The following LIMA1 variants were observed in gnomAD, a reference collection of about 807,000 sequenced individuals.
LIMA1 encodes LIM domain and actin binding 1.
LIMA1 carries 52 observed loss-of-function variants against 62.6 expected under a neutral mutation model. The ratio of observed to expected loss-of-function variants is 0.83; its 90% CI spans 0.67 to 1.05. LIMA1 has a LOEUF of 1.05. Among genes scored for constraint, LIMA1 ranks in the 50% least tolerant of loss-of-function variants. The probability of loss-of-function intolerance (pLI) is 0.00; values close to 1 mark genes in which losing one functional copy is unlikely to be tolerated. For missense variants in LIMA1, 780 were observed against 902.2 expected (o/e 0.86, Z 1.74); for synonymous variants, 302 against 317.8 (o/e 0.95, Z 0.53).
At chr12:50,222,607 G>A in intron 3 of LIMA1, 122 bp from the exon 4 acceptor site, 1 of 1,545,288 alleles carries the variant, frequency 6.5e-7, no homozygotes, top group Non-Finnish European at 8.7e-7. Context: ...GTTTCAGACA[G>A]CTGTGAACAG....
chr12:50,206,706 TCTGTTGCCTTA>T (rs1941160424), intron 4 of LIMA1, among the ~76,000 whole-genome samples: 1 of 152,180 alleles, frequency 6.6e-6, no homozygotes, highest in Non-Finnish European at 1.5e-5. Context: ...CCTTTGTCCT[TCTGTTGCCTTA>T]CAAATGCCTG....
intron 3 of LIMA1, among the ~76,000 whole-genome samples, chr12:50,226,080 T>C (rs750972491): frequency 1.4e-3 from 206 of 152,124 alleles, no homozygotes; most frequent in Non-Finnish European, 2.5e-3. Context: ...AGGTTCTTGC[T>C]CTATTGCCCA....
chr12:50,256,006 C>T (rs1439880946), intron 1 of LIMA1, among the ~76,000 whole-genome samples: 2 of 152,066 alleles, frequency 1.3e-5, no homozygotes, highest in Non-Finnish European at 2.9e-5. Flanking sequence ...TGTCCTGCCT[C>T]AGCCTCCTGG....
intron 1 of LIMA1, among the ~76,000 whole-genome samples, chr12:50,278,383 C>T (rs1592575261): frequency 6.6e-6 from 1 of 152,162 alleles, no homozygotes; most frequent in African/African-American, 2.4e-5. Context: ...GATCGTGCCA[C>T]TGCACTCCAG....
intron 5 of LIMA1, among the ~76,000 whole-genome samples, chr12:50,204,902 G>T (rs183612156): frequency 1.5e-3 from 226 of 151,934 alleles, no homozygotes; most frequent in African/African-American, 5.1e-3. Context: ...TTTATTAGAA[G>T]ATAAAAGTGA....
In LIMA1 at chr12:50,283,065, T is replaced by C. The variant is rs149452482; in HGVS notation, c.-24+355A>G. ...TGAAGGAAAAAGAACAGTTGAATAT[T>C]ACAGTATTTCCCTGGAAGGAGGGTA... On this transcript the variant is annotated intron_variant, in intron 1 of 10. Transcript: ENST00000341247. Among the ~76,000 whole-genome samples the C allele has an allele frequency of 1.7e-3, 264 of 152,040 alleles. 1 individual carries two copies. The highest frequency in any genetic ancestry group is 6.0e-3 in the African/African-American group (250 of 41,484).
chr12:50,222,963 G>A (rs1414773391), intron 3 of LIMA1, among the ~76,000 whole-genome samples: 1 of 152,022 alleles, frequency 6.6e-6, no homozygotes, highest in Non-Finnish European at 1.5e-5. Context: ...ATGCAGGATA[G>A]TTGCAGGATA....
chr12:50,266,875 G>A (rs1942144928), intron 1 of LIMA1, among the ~76,000 whole-genome samples: 1 of 151,962 alleles, frequency 6.6e-6, no homozygotes, highest in Non-Finnish European at 1.5e-5. Flanking sequence ...TTTCAAATAT[G>A]TGTTGGCCAC....
chr12:50,283,219 G>C (rs1447908860), intron 1 of LIMA1, among the ~76,000 whole-genome samples: 2 of 151,834 alleles, frequency 1.3e-5, no homozygotes, highest in Non-Finnish European at 2.9e-5. Context: ...GGCTCAGCCC[G>C]ACATAAGCAC....
Position 50,178,495 on chromosome 12 carries a change from T to A in LIMA1, c.1275-426A>T, listed in dbSNP as rs184984110. 5.4e-5 allele frequency among the ~76,000 whole-genome samples: 8 copies of A among 148,460 alleles called. No homozygotes were observed. In the East Asian group the frequency reaches 1.4e-3, roughly 26 times the overall value. On this transcript the variant is annotated intron_variant, in intron 10 of 10. Coordinates refer to ENST00000341247, the MANE Select transcript of LIMA1 (RefSeq NM_016357.5). ...CCGGGAGGCAGAGGTTGCAGTGAGC[T>A]GAGATTGTGCCACTGTGATAGAGCG...
chr12:50,200,627 T>C, intron 7 of LIMA1, 150 bp downstream of exon 7: 1 of 816,890 alleles, frequency 1.2e-6, no homozygotes, highest in South Asian at 1.5e-5. Flanking sequence ...ACTGAAATTA[T>C]GTGACCTGCA....
At chr12:50,270,470 T>C (rs1264325908) in intron 1 of LIMA1, among the ~76,000 whole-genome samples, 12 of 151,744 alleles carry the variant, frequency 7.9e-5, no homozygotes, top group Admixed American at 7.2e-4. Context: ...CCAGGTGTGG[T>C]GGCTTGAGCC....
chr12:50,182,056 C>G lies in LIMA1; in HGVS notation c.1141-19G>C, dbSNP rs1350267763. 1 of 1,611,992 alleles carries G rather than the reference C, an allele frequency of 6.2e-7. No individual in the cohort carries two copies. Among genetic ancestry groups the G allele is most frequent in the African/African-American group, 1.3e-5 (1 of 74,864 alleles). On this transcript the variant is annotated intron_variant, in intron 9 of 10. Transcript: ENST00000341247. ...GAAACTTCTAGGAAAAACAAAAAGACAACTTTAGCATGGGCAGCGATGAGT... is the reference window on the plus strand; with the variant it reads ...GAAACTTCTAGGAAAAACAAAAAGAGAACTTTAGCATGGGCAGCGATGAGT...
chr12:50,217,560 C>A (rs12308745), intron 4 of LIMA1: 4,463 of 153,418 alleles, frequency 0.029, 223 homozygotes, highest in African/African-American at 0.1. Flanking sequence ...TTTCTTCAGT[C>A]CTTAAGAACT....
At chr12:50,270,639 G>A (rs1333514842) in intron 1 of LIMA1, among the ~76,000 whole-genome samples, 1 of 142,300 alleles carries the variant, frequency 7.0e-6, no homozygotes, top group African/African-American at 2.6e-5. Flanking sequence ...AGAACTCTAT[G>A]TTGAAGAGAA....
intron 3 of LIMA1, 106 bp downstream of exon 3, chr12:50,231,559 T>C: frequency 1.0e-6 from 1 of 986,876 alleles, no homozygotes; most frequent in East Asian, 2.4e-5. Context: ...GGCACAAATG[T>C]CCACTCAGCT....
At chr12:50,250,423 T>C (rs1941913896) in intron 1 of LIMA1, among the ~76,000 whole-genome samples, 1 of 151,268 alleles carries the variant, frequency 6.6e-6, no homozygotes, top group South Asian at 2.1e-4. Context: ...GACCCCCTCT[T>C]CTCTACAAAA....
chr12:50,266,315 T>C (rs1313701924), intron 1 of LIMA1, among the ~76,000 whole-genome samples: 5 of 152,212 alleles, frequency 3.3e-5, no homozygotes, highest in African/African-American at 1.2e-4. Context: ...ATTTTACAGA[T>C]GAGAAAACTG....
chr12:50,236,634 GTTCC>G (rs1941699002), intron 2 of LIMA1, among the ~76,000 whole-genome samples: 1 of 152,056 alleles, frequency 6.6e-6, no homozygotes, highest in South Asian at 2.1e-4. Flanking sequence ...TATGCAGGGG[GTTCC>G]CTTTCTCGGC....
Sources: allele counts gnomAD v4.1 joint callset (sites outside exome capture counted in the v4.1 genomes callset), GRCh38; gene constraint gnomAD v4.1.1; transcripts MANE v1.5; gene names NCBI Gene and HGNC (gene_info 2026-07-23, HGNC 2026-07-21).